Variants in ITPR2 observed in about 807,000 individuals in gnomAD.
The protein encoded by ITPR2 is inositol 1,4,5-trisphosphate receptor type 2, also known as inositol 1,4,5-trisphosphate-gated calcium channel ITPR2.
ITPR2 carries 207 observed loss-of-function variants against 317.1 expected under a neutral mutation model. The observed-to-expected ratio is 0.65, with a 90% CI of 0.58 to 0.73. The LOEUF is 0.73. Among genes scored for constraint, ITPR2 ranks in the 30% least tolerant of loss-of-function variants. The pLI is 0.00. For missense variants in ITPR2, 2,613 were observed against 3,284.0 expected, an observed-to-expected ratio of 0.80 and a Z score of 4.99; for synonymous variants, 1,156 against 1,149.1, an observed-to-expected ratio of 1.01 and a Z score of -0.12.
Position 26,503,610 on chromosome 12 carries a change from T to C in ITPR2, c.5074-8350A>G, listed in dbSNP as rs73290025. ...GAGAGTAATGTGATTGGTTTGAGTC[T>C]GGGTTCTTCCACTTATTGGCTTTGT... is the stretch of plus-strand genomic sequence containing the variant. On this transcript the variant is annotated intron_variant, in intron 37 of 56. Coordinates refer to ENST00000381340, the MANE Select transcript of ITPR2 (RefSeq NM_002223.4). Among the ~76,000 whole-genome samples, 431 of 152,352 alleles carry C rather than the reference T, an allele frequency of 2.8e-3. 3 individuals are homozygous for C. The highest frequency in any genetic ancestry group is 9.7e-3 in the African/African-American group (402 of 41,576).
chr12:26,474,851 G>T (rs1162625935), intron 45 of ITPR2, among the ~76,000 whole-genome samples: 1 of 151,280 alleles, frequency 6.6e-6, no homozygotes, highest in Non-Finnish European at 1.5e-5. Context: ...CCAATCAGAG[G>T]CTGCCAGTTT....
intron 13 of ITPR2, among the ~76,000 whole-genome samples, chr12:26,669,666 C>T (rs1947705822): frequency 1.3e-5 from 2 of 152,232 alleles, no homozygotes; most frequent in Middle Eastern, 3.2e-3. Flanking sequence ...GTACCGGGTT[C>T]ATCTCACTAG....
chr12:26,406,012 T>G (rs1591995477), intron 52 of ITPR2, among the ~76,000 whole-genome samples: 1 of 152,134 alleles, frequency 6.6e-6, no homozygotes, highest in African/African-American at 2.4e-5. Context: ...TAAGCTTTAA[T>G]TATAATCAAT....
intron 9 of ITPR2, among the ~76,000 whole-genome samples, chr12:26,709,523 G>T (rs1481598510): frequency 1.3e-5 from 2 of 152,052 alleles, no homozygotes; most frequent in South Asian, 4.1e-4. Flanking sequence ...TCCTCACTAA[G>T]GTTAATGAAC....
intron 1 of ITPR2, among the ~76,000 whole-genome samples, chr12:26,832,054 C>A (rs973591683): frequency 6.6e-6 from 1 of 151,962 alleles, no homozygotes; most frequent in African/African-American, 2.4e-5. Context: ...TTCTAGAACC[C>A]AGGAAGCCCT....
Position 26,628,084 on chromosome 12 carries a change from C to T in ITPR2, c.3013G>A (p.Asp1005Asn). 1.2e-6 allele frequency: 2 copies of T among 1,613,450 alleles called. No individual in the cohort carries two copies. The highest frequency in any genetic ancestry group is 1.7e-6 in the Non-Finnish European group (2 of 1,179,470). The change falls in exon 23 of 57, where the codon GAC (aspartate) becomes AAC (asparagine). Residue 1005 changes from aspartate (D) to asparagine (N), a missense_variant. By Grantham distance (23) the Asp-to-Asn change is conservative. Coordinates refer to ENST00000381340, the MANE Select transcript of ITPR2 (RefSeq NM_002223.4). ...CCACTGGCAGATGTCTCCGCATTGT[C>T]ATTGTCCTCTCCAAACTCCTTCTTA... ...IYKKEFGEDN[D>N]NAETSASGSP...
chr12:26,443,632 G>A lies in ITPR2; in HGVS notation c.6361C>T (p.Leu2121=). 6.2e-7 allele frequency: 1 copy of A among 1,612,812 alleles called. No homozygotes were observed. The highest frequency in any genetic ancestry group is 1.3e-5 in the African/African-American group (1 of 74,990). The change falls in exon 46 of 57, where the codon CTG becomes TTG. Residue 2121 remains leucine, a synonymous_variant. Coordinates refer to ENST00000381340, the MANE Select transcript of ITPR2 (RefSeq NM_002223.4). ...LAHQLARHNK[L]LQQMLKPGSD... ...CCTGGTTTGAGCATCTGCTGCAACA[G>A]TTTATTGTGGCGGGCCAACTAGAGT...
intron 13 of ITPR2, among the ~76,000 whole-genome samples, chr12:26,672,363 G>T (rs1262545974): frequency 5.3e-5 from 8 of 152,188 alleles, no homozygotes; most frequent in Non-Finnish European, 1.0e-4. Context: ...TCAGACTACA[G>T]TGCAATCGAA....
At chr12:26,784,933 T>C (rs1323651739) in intron 2 of ITPR2, among the ~76,000 whole-genome samples, 3 of 14,668 alleles carry the variant, frequency 2.0e-4, no homozygotes, top group South Asian at 2.2e-3. Flanking sequence ...ATCTAGGAAG[T>C]GAGGAGCGTC....
chr12:26,802,608 G>GATATAT (rs1367402063), intron 1 of ITPR2, among the ~76,000 whole-genome samples: 1 of 10,044 alleles, frequency 1.0e-4, no homozygotes, highest in South Asian at 3.1e-3. Context: ...TATAGATATA[G>GATATAT]ATATATATAG....
At chr12:26,660,448 A>G (rs1265984561) in intron 15 of ITPR2, among the ~76,000 whole-genome samples, 1 of 152,170 alleles carries the variant, frequency 6.6e-6, no homozygotes, top group Non-Finnish European at 1.5e-5. Flanking sequence ...CCACCATGAA[A>G]GGTTCTTACT....
intron 26 of ITPR2, among the ~76,000 whole-genome samples, chr12:26,603,171 CTT>C (rs567889144): frequency 2.1e-3 from 326 of 152,262 alleles, no homozygotes; most frequent in Non-Finnish European, 3.8e-3. Flanking sequence ...CAAAGAACAA[CTT>C]AACACAACAA....
intron 13 of ITPR2, among the ~76,000 whole-genome samples, chr12:26,670,518 G>A (rs374119897): frequency 6.2e-4 from 95 of 152,016 alleles, no homozygotes; most frequent in African/African-American, 2.1e-3. Flanking sequence ...ACTAACAAAC[G>A]GAAAGGACAT....
intron 45 of ITPR2, among the ~76,000 whole-genome samples, chr12:26,473,651 G>GTACA: frequency 6.6e-6 from 1 of 152,264 alleles, no homozygotes; most frequent in Middle Eastern, 3.4e-3. Flanking sequence ...CCTTGACCCT[G>GTACA]TACACATATG....
At chr12:26,566,133 G>C (rs1204961726) in intron 34 of ITPR2, among the ~76,000 whole-genome samples, 1 of 127,798 alleles carries the variant, frequency 7.8e-6, no homozygotes, top group African/African-American at 3.1e-5. Flanking sequence ...AGGAGAGGGA[G>C]AGGAGGAGAG....
In ITPR2 at chr12:26,379,832, G is replaced by T. The variant is rs187083181; in HGVS notation, c.7857+7602C>A. ...AGTAAAGTCACTAATCTTGTAAATG[G>T]AAATCCTAAGAAATCAAACTTCAGA... is the stretch of plus-strand genomic sequence containing the variant. On this transcript the variant is annotated intron_variant, in intron 55 of 56. Transcript: ENST00000381340. 5.3e-5 allele frequency among the ~76,000 whole-genome samples: 8 copies of T among 152,274 alleles called. No homozygotes were observed. In the South Asian group the frequency reaches 8.3e-4, roughly 16 times the overall value.
chr12:26,782,027 TATATATGTATAGAGAGAGAGAGAG>T (rs1950099549), intron 2 of ITPR2, among the ~76,000 whole-genome samples: 1 of 26,286 alleles, frequency 3.8e-5, no homozygotes, highest in Non-Finnish European at 7.9e-5. Flanking sequence ...TATATATATA[TATATATGTATAGAGAGAGAGAGAG>T]AGAGAGAGAG....
In ITPR2 at chr12:26,400,121, G is replaced by C. The variant is rs760114002; in HGVS notation, c.7530+7C>G. 2 of 1,603,044 alleles carry C rather than the reference G, an allele frequency of 1.2e-6. No homozygotes were observed. The highest frequency in any genetic ancestry group is 4.5e-5 in the East Asian group (2 of 44,638). ...CTCCTTGAAAAAATACTTTTACTCT[G>C]GCTTACATCTTTCGATGGCCTTCTT... is the stretch of plus-strand genomic sequence containing the variant. On this transcript the variant is annotated splice_region_variant and intron_variant, in intron 53 of 56. Transcript: ENST00000381340.
chr12:26,613,949 C>G (rs1432293167), intron 26 of ITPR2, among the ~76,000 whole-genome samples: 5 of 152,090 alleles, frequency 3.3e-5, no homozygotes, highest in Non-Finnish European at 7.4e-5. Flanking sequence ...CTCAATAAGG[C>G]CTTAACTACA....
Sources: gnomAD v4.1 joint callset for allele counts (sites outside exome capture counted in the v4.1 genomes callset) on GRCh38, gnomAD v4.1.1 for gene constraint, MANE v1.5 for transcripts, NCBI Gene and HGNC (gene_info 2026-07-23, HGNC 2026-07-21) for gene names.